The following CXCL13 variants were observed in gnomAD, a reference collection of about 807,000 sequenced individuals.
CXCL13 encodes the protein C-X-C motif chemokine ligand 13.
Under a neutral mutation model 12.2 loss-of-function variants are expected in CXCL13, and 7 were observed. The observed-to-expected ratio is 0.57, with a 90% CI of 0.33 to 1.07. The LOEUF is 1.07. CXCL13 is among the 50% of genes least tolerant of loss of function. CXCL13 has a pLI of 0.04. For synonymous variants in CXCL13, 47 were observed against 42.4 expected, an observed-to-expected ratio of 1.11 and a Z score of -0.42; for missense variants, 113 against 127.4, an observed-to-expected ratio of 0.89 and a Z score of 0.55.
intron 1 of CXCL13, among the ~76,000 whole-genome samples, chr4:77,547,155 T>C (rs191024888): frequency 1.5e-4 from 23 of 152,340 alleles, no homozygotes; most frequent in Non-Finnish European, 2.9e-4. Context: ...GTGCTTTACT[T>C]CCACCTATGT....
intron 1 of CXCL13, among the ~76,000 whole-genome samples, chr4:77,517,554 C>T (rs200889340): frequency 3.3e-5 from 5 of 152,140 alleles, no homozygotes; most frequent in Admixed American, 2.0e-4. Context: ...CCCTTTACCA[C>T]TATGTAATGG....
chr4:77,539,872 G>A (rs898205418), intron 1 of CXCL13, among the ~76,000 whole-genome samples: 1 of 152,042 alleles, frequency 6.6e-6, no homozygotes, highest in Non-Finnish European at 1.5e-5. Flanking sequence ...GGTAGGGGGG[G>A]AATCCCTATC....
chr4:77,556,240 A>G (rs1725655355), intron 1 of CXCL13, among the ~76,000 whole-genome samples: 2 of 152,244 alleles, frequency 1.3e-5, no homozygotes, highest in Admixed American at 6.5e-5. Flanking sequence ...AAATTGTGGT[A>G]TATCATTACA....
In CXCL13 at chr4:77,548,953, T is replaced by C. The variant is rs569933541; in HGVS notation, c.-43+37165T>C. ...GTTTTCCAACTTGGTTCCATTCTCC[T>C]CATCACTTTCAGGTATACCAATCAA... is the stretch of plus-strand genomic sequence containing the variant. On this transcript the variant is annotated intron_variant, in intron 1 of 4. Transcript: ENST00000286758. Among the ~76,000 whole-genome samples, 17 of 152,328 alleles carry C rather than the reference T, an allele frequency of 1.1e-4. No homozygotes were observed. The East Asian group carries it at 2.9e-3, about 26-fold the overall frequency.
chr4:77,580,308 C>A (rs200398657), intron 1 of CXCL13, among the ~76,000 whole-genome samples: 1 of 17,630 alleles, frequency 5.7e-5, no homozygotes, highest in African/African-American at 2.1e-4. Context: ...AGTTTTCTTT[C>A]TTTTTTTTTT....
chr4:77,579,041 C>A (rs1005109189), intron 1 of CXCL13, among the ~76,000 whole-genome samples: 2 of 152,220 alleles, frequency 1.3e-5, no homozygotes, highest in African/African-American at 4.8e-5. Context: ...GAACTTGAGG[C>A]TGGAACTCCA....
chr4:77,549,889 C>T (rs958386771), intron 1 of CXCL13, among the ~76,000 whole-genome samples: 21 of 152,196 alleles, frequency 1.4e-4, no homozygotes, highest in African/African-American at 5.1e-4. Flanking sequence ...CAGACTGGGA[C>T]GTTTAAGTCT....
intron 1 of CXCL13, among the ~76,000 whole-genome samples, chr4:77,550,678 C>G (rs1257072802): frequency 6.6e-6 from 1 of 152,180 alleles, no homozygotes; most frequent in African/African-American, 2.4e-5. Context: ...CGTTAGTTTT[C>G]TGCCTTGATG....
chr4:77,535,026 A>T (rs973768823), intron 1 of CXCL13, among the ~76,000 whole-genome samples: 2 of 152,236 alleles, frequency 1.3e-5, no homozygotes, highest in Non-Finnish European at 2.9e-5. Flanking sequence ...GAATTACAAA[A>T]GGAGAAACAC....
intron 1 of CXCL13, among the ~76,000 whole-genome samples, chr4:77,545,085 T>C (rs1725320560): frequency 6.6e-6 from 1 of 152,176 alleles, no homozygotes; most frequent in African/African-American, 2.4e-5. Flanking sequence ...CTGAGGGCTC[T>C]CTTCTGTTTC....
intron 1 of CXCL13, among the ~76,000 whole-genome samples, chr4:77,549,601 G>T (rs1725458145): frequency 6.6e-6 from 1 of 152,216 alleles, no homozygotes; most frequent in Admixed American, 6.5e-5. Flanking sequence ...ACCCTCAGCT[G>T]CAGTTCTTTT....
intron 1 of CXCL13, among the ~76,000 whole-genome samples, chr4:77,606,225 A>C (rs1727001613): frequency 6.6e-6 from 1 of 152,194 alleles, no homozygotes; most frequent in South Asian, 2.1e-4. Context: ...ATAATTCTTT[A>C]CATGTAGCTC....
chr4:77,523,479 C>A (rs907695991), intron 1 of CXCL13, among the ~76,000 whole-genome samples: 1 of 152,122 alleles, frequency 6.6e-6, no homozygotes, highest in African/African-American at 2.4e-5. Context: ...GTGACTGATA[C>A]TCTTTCTTCC....
intron 1 of CXCL13, among the ~76,000 whole-genome samples, chr4:77,599,362 C>T (rs980221856): frequency 6.6e-6 from 1 of 151,950 alleles, no homozygotes; most frequent in African/African-American, 2.4e-5. Flanking sequence ...CTTATAATAC[C>T]TAATACAATG....
rs1166628910 is a variant in CXCL13 at position 77,515,040 on chromosome 4, C to T, written c.-43+3252C>T. ...TTCTACATATGGCTAGCCAGTTTTC[C>T]CAGCACCATTTATTAAATAGGGAAT... On this transcript the variant is annotated intron_variant, in intron 1 of 4. Coordinates refer to the CXCL13 transcript ENST00000286758. Among the ~76,000 whole-genome samples, 3 of 152,190 alleles carry T rather than the reference C, an allele frequency of 2.0e-5. No homozygotes were observed. In the East Asian group the frequency reaches 5.8e-4, roughly 29 times the overall value.
chr4:77,607,969 A>G, intron 2 of CXCL13, 134 bp downstream of exon 2: 1 of 897,468 alleles, frequency 1.1e-6, no homozygotes, highest in Non-Finnish European at 1.7e-6. Flanking sequence ...CAAACTAATA[A>G]TGAAAATTGT....
intron 1 of CXCL13, among the ~76,000 whole-genome samples, chr4:77,523,791 C>A (rs545610442): frequency 6.6e-6 from 1 of 152,200 alleles, no homozygotes; most frequent in South Asian, 2.1e-4. Context: ...AGAAGAGGTC[C>A]TCTGGTTTTT....
chr4:77,572,794 T>C (rs766988124), intron 1 of CXCL13, among the ~76,000 whole-genome samples: 6 of 151,936 alleles, frequency 3.9e-5, no homozygotes, highest in East Asian at 1.9e-4. Context: ...CATATATTCA[T>C]TGCAGCACTA....
upstream of CXCL13, among the ~76,000 whole-genome samples, chr4:77,602,626 C>T (rs151116178): frequency 3.3e-4 from 50 of 151,366 alleles, no homozygotes; most frequent in East Asian, 2.1e-3. Context: ...AAATCTGATT[C>T]GATTCCAAAG....
Sources: allele counts gnomAD v4.1 joint callset (sites outside exome capture counted in the v4.1 genomes callset), GRCh38; gene constraint gnomAD v4.1.1; transcripts MANE v1.5; gene names NCBI Gene and HGNC (gene_info 2026-07-23, HGNC 2026-07-21).